OCA2: variants seen among roughly 807,000 people sequenced by gnomAD.
OCA2 encodes OCA2 melanosomal transmembrane protein, also known as P protein.
OCA2 carries 77 observed loss-of-function variants against 100.2 expected under a neutral mutation model. The ratio of observed to expected loss-of-function variants is 0.77; its 90% confidence interval spans 0.64 to 0.93. The LOEUF is 0.93. Among genes scored for constraint, OCA2 ranks in the 40% least tolerant of loss-of-function variants. The probability of loss-of-function intolerance (pLI) is 0.00; values close to 1 mark genes in which losing one functional copy is unlikely to be tolerated. For synonymous variants in OCA2, 432 were observed against 439.2 expected, an observed-to-expected ratio of 0.98 and a Z score of 0.21; for missense variants, 1,062 against 1,089.1, an observed-to-expected ratio of 0.98 and a Z score of 0.35.
intron 18 of OCA2, among the ~76,000 whole-genome samples, chr15:27,935,678 T>C (rs1400787448): frequency 6.6e-6 from 1 of 152,270 alleles, no homozygotes; most frequent in Non-Finnish European, 1.5e-5. Flanking sequence ...TCCTCTGATA[T>C]GCTCAGGCTT....
intron 23 of OCA2, among the ~76,000 whole-genome samples, chr15:27,798,510 C>A (rs1381192977): frequency 6.6e-6 from 1 of 152,030 alleles, no homozygotes; most frequent in African/African-American, 2.4e-5. Flanking sequence ...AAAATAACTT[C>A]AGAAGACTGA....
At chr15:28,069,367 T>TCCCTCC (rs2044127240) in intron 2 of OCA2, among the ~76,000 whole-genome samples, 1 of 8,476 alleles carries the variant, frequency 1.2e-4, no homozygotes, top group Non-Finnish European at 1.9e-4. Flanking sequence ...CCTCTCCCTC[T>TCCCTCC]CCCTCTCCCT....
chr15:27,822,960 C>A (rs369975414), intron 23 of OCA2, among the ~76,000 whole-genome samples: 184 of 152,282 alleles, frequency 1.2e-3, no homozygotes, highest in African/African-American at 4.4e-3. Context: ...GTTGTCCTAT[C>A]GTGAGTTCAC....
At chr15:28,008,952 T>G (rs563775619) in intron 9 of OCA2, among the ~76,000 whole-genome samples, 1 of 152,302 alleles carries the variant, frequency 6.6e-6, no homozygotes, top group South Asian at 2.1e-4. Flanking sequence ...TCTAGAGACC[T>G]CCAGTTCTGG....
chr15:27,816,693 T>C (rs1434953131), intron 23 of OCA2, among the ~76,000 whole-genome samples: 3 of 152,180 alleles, frequency 2.0e-5, no homozygotes, highest in African/African-American at 7.2e-5. Flanking sequence ...AGGATGACGA[T>C]ACCCTACAGC....
intron 9 of OCA2, among the ~76,000 whole-genome samples, chr15:27,997,234 G>A (rs1205167325): frequency 9.2e-6 from 1 of 108,792 alleles, no homozygotes; most frequent in Non-Finnish European, 2.4e-5. Flanking sequence ...AGAAAGGAAG[G>A]AAGGAGGAAA....
chr15:28,063,566 A>G (rs911329572), intron 2 of OCA2, among the ~76,000 whole-genome samples: 2 of 151,448 alleles, frequency 1.3e-5, no homozygotes, highest in African/African-American at 4.9e-5. Flanking sequence ...TTTTTTTACT[A>G]TATGTTATTT....
At chr15:27,792,130 A>G (rs1034590898) in intron 23 of OCA2, among the ~76,000 whole-genome samples, 2 of 152,226 alleles carry the variant, frequency 1.3e-5, no homozygotes, top group African/African-American at 4.8e-5. Context: ...CCAGACACCA[A>G]TACCCAAAAA....
chr15:28,037,004 C>G (rs1005329906), intron 2 of OCA2, among the ~76,000 whole-genome samples: 1 of 152,096 alleles, frequency 6.6e-6, no homozygotes, highest in African/African-American at 2.4e-5. Flanking sequence ...TGACCAAATT[C>G]ACATCCACAG....
intron 23 of OCA2, among the ~76,000 whole-genome samples, chr15:27,805,623 C>A (rs1013565100): frequency 1.3e-4 from 20 of 152,108 alleles, no homozygotes; most frequent in Non-Finnish European, 2.6e-4. Context: ...CGCCTGCGAG[C>A]GGTGGGGCTG....
intron 21 of OCA2, among the ~76,000 whole-genome samples, chr15:27,864,727 G>A (rs1473995454): frequency 6.6e-6 from 1 of 152,158 alleles, no homozygotes; most frequent in Non-Finnish European, 1.5e-5. Context: ...CAACATTCAG[G>A]ACAAGAGTAA....
chr15:28,037,369 A>G (rs2043075713), intron 2 of OCA2, among the ~76,000 whole-genome samples: 1 of 152,080 alleles, frequency 6.6e-6, no homozygotes, highest in Non-Finnish European at 1.5e-5. Context: ...GGGAAAACCA[A>G]GCTGAGCAAT....
chr15:27,753,787 G>A (rs945628533), downstream of OCA2, among the ~76,000 whole-genome samples: 2 of 151,862 alleles, frequency 1.3e-5, no homozygotes, highest in Non-Finnish European at 2.9e-5. Flanking sequence ...GAATGAGAAG[G>A]CATGACTGAA....
chr15:27,762,023 C>T (rs1201367837), intron 23 of OCA2, among the ~76,000 whole-genome samples: 1 of 152,172 alleles, frequency 6.6e-6, no homozygotes, highest in Non-Finnish European at 1.5e-5. Flanking sequence ...AAAAGTGAGT[C>T]TTTGCAAGAA....
chr15:27,861,522 G>A (rs2036131385), intron 21 of OCA2, among the ~76,000 whole-genome samples: 1 of 152,028 alleles, frequency 6.6e-6, no homozygotes, highest in South Asian at 2.1e-4. Context: ...GATGGAGAGG[G>A]TCATGGAAGG....
chr15:27,771,156 C>T (rs918579585), intron 23 of OCA2, among the ~76,000 whole-genome samples: 3 of 150,798 alleles, frequency 2.0e-5, no homozygotes, highest in African/African-American at 7.3e-5. Flanking sequence ...CCCCTTGCAG[C>T]GACACCCCCT....
At chr15:28,009,447 G>A (rs1385254439) in intron 9 of OCA2, among the ~76,000 whole-genome samples, 6 of 152,130 alleles carry the variant, frequency 3.9e-5, no homozygotes, top group African/African-American at 7.2e-5. Flanking sequence ...CAGCACTTTG[G>A]GAGACCGAGG....
chr15:27,939,700 A>C (rs1160904154), intron 18 of OCA2, among the ~76,000 whole-genome samples: 2 of 152,236 alleles, frequency 1.3e-5, no homozygotes, highest in Non-Finnish European at 2.9e-5. Context: ...CTGCAGGTGC[A>C]TTAGACACGG....
intron 23 of OCA2, among the ~76,000 whole-genome samples, chr15:27,789,832 G>A (rs2032995756): frequency 1.3e-5 from 2 of 152,162 alleles, no homozygotes. Flanking sequence ...AGATTTAGAG[G>A]TAAAAGTAAA....
Sources: gnomAD v4.1 joint callset for allele counts (sites outside exome capture counted in the v4.1 genomes callset) on GRCh38, gnomAD v4.1.1 for gene constraint, MANE v1.5 for transcripts, NCBI Gene and HGNC (gene_info 2026-07-23, HGNC 2026-07-21) for gene names.